The following ANKRD27 variants were observed in gnomAD, a reference collection of about 807,000 sequenced individuals.
The protein encoded by ANKRD27 is ankyrin repeat domain 27, also known as ankyrin repeat domain-containing protein 27.
Under a neutral mutation model 129.7 loss-of-function variants are expected in ANKRD27, and 112 were observed. The observed-to-expected ratio is 0.86, with a 90% CI of 0.74 to 1.01. The LOEUF (loss-of-function observed/expected upper bound fraction) is 1.01, where lower values mean the gene tolerates loss of function less well. ANKRD27 is among the 50% of genes least tolerant of loss of function. The pLI is 0.00. For missense variants in ANKRD27, 1,258 were observed against 1,300.5 expected, an observed-to-expected ratio of 0.97 and a Z score of 0.50; for synonymous variants, 516 against 511.2, an observed-to-expected ratio of 1.01 and a Z score of -0.13.
intron 3 of ANKRD27, among the ~76,000 whole-genome samples, chr19:32,648,202 G>A (rs1401605247): frequency 6.6e-6 from 1 of 151,642 alleles, no homozygotes. Flanking sequence ...GGAGGCGCAG[G>A]TTGCAGTGAG....
At chr19:32,630,587 C>T (rs1318094900) in intron 13 of ANKRD27, among the ~76,000 whole-genome samples, 1 of 152,254 alleles carries the variant, frequency 6.6e-6, no homozygotes, top group Non-Finnish European at 1.5e-5. Flanking sequence ...AGAGGCCTGG[C>T]CTGCGCCCAC....
At position 32,639,406 on chromosome 19, in the gene ANKRD27, C is replaced by T. The variant is rs555830097; in HGVS notation, c.1066G>A (p.Glu356Lys). The T allele has an allele frequency of 5.0e-6, 8 of 1,614,188 alleles. No homozygotes were observed. Among genetic ancestry groups the T allele is most frequent in the South Asian group, 4.4e-5 (4 of 91,084 alleles). The change falls in exon 12 of 29, where the codon GAA (glutamate) becomes AAA (lysine). Residue 356 changes from glutamate (E) to lysine (K), a missense_variant. Transcript: ENST00000306065. ...DELGYCLTSFEAAIEYIRQGS... is the reference protein window; with the variant it reads ...DELGYCLTSFKAAIEYIRQGS... ...TGCCGAATATATTCAATGGCAGCTT[C>T]GAATGAGGTCAGGCAGTATCCCAGT...
chr19:32,632,947 G>C (rs1195742406), intron 12 of ANKRD27, among the ~76,000 whole-genome samples: 4 of 152,200 alleles, frequency 2.6e-5, no homozygotes, highest in Admixed American at 2.0e-4. Flanking sequence ...GGTTAACTTA[G>C]CAAATGAACA....
intron 3 of ANKRD27, 74 bp downstream of exon 3, chr19:32,649,608 C>A (rs547796413): frequency 3.0e-6 from 3 of 1,011,972 alleles, no homozygotes; most frequent in East Asian, 4.8e-5. Context: ...AGGCTGAGAA[C>A]GGGACTCTCT....
rs375052261 is a variant in ANKRD27 at position 32,619,426 on chromosome 19, A to G, written c.1888-47T>C. ...GAGAGAGAGGACAGGACACAAGGAC[A>G]CGTGAGGACCAGAGAAGGCGCCCTT... On this transcript the variant is annotated intron_variant, in intron 19 of 28. Transcript: ENST00000306065. 1.3e-4 allele frequency: 211 copies of G among 1,613,826 alleles called. 1 individual carries two copies. Among genetic ancestry groups the G allele is most frequent in the Non-Finnish European group, 1.7e-4 (197 of 1,180,038 alleles).
chr19:32,654,294 G>A (rs1239530022), intron 2 of ANKRD27, among the ~76,000 whole-genome samples: 2 of 152,098 alleles, frequency 1.3e-5, no homozygotes, highest in African/African-American at 4.8e-5. Context: ...TTGGTACAAG[G>A]TTATGACCAG....
chr19:32,646,613 A>C lies in ANKRD27; in HGVS notation c.216T>G (p.Asp72Glu). 1 of 1,611,576 alleles carries C rather than the reference A, an allele frequency of 6.2e-7. No individual in the cohort carries two copies. The highest frequency in any genetic ancestry group is 8.5e-7 in the Non-Finnish European group (1 of 1,179,142). Residue 72 changes from aspartate (D) to glutamate (E), a missense_variant and splice_region_variant, in exon 4 of 29, where the codon GAT becomes GAG. Transcript: ENST00000306065. ...EEHFQTLNGK[D>E]VFIQGNRIKL... The stretch of plus-strand genomic sequence containing the variant: ...TAATCCTGTTCCCTTGAATAAAGAC[A>C]TCCTGGAAACAAGAAAGCCATCACT...
intron 12 of ANKRD27, chr19:32,635,973 C>G (rs1967080412): frequency 6.6e-6 from 1 of 152,436 alleles, no homozygotes. Flanking sequence ...ACTGCTACAC[C>G]TGTGACCCAC....
At chr19:32,668,743 C>T (rs1016762544) in intron 1 of ANKRD27, among the ~76,000 whole-genome samples, 1 of 151,822 alleles carries the variant, frequency 6.6e-6, no homozygotes, top group Admixed American at 6.6e-5. Flanking sequence ...AGCCACCGTG[C>T]CCAGCTAATT....
At chr19:32,657,472 A>G (rs2145316936) in intron 2 of ANKRD27, among the ~76,000 whole-genome samples, 1 of 151,554 alleles carries the variant, frequency 6.6e-6, no homozygotes, top group Non-Finnish European at 1.5e-5. Context: ...AAAAAAAAAA[A>G]AAAAATTAGC....
chr19:32,658,800 C>T lies in ANKRD27; in HGVS notation c.102+114G>A. The T allele has an allele frequency of 3.3e-6, 3 of 919,998 alleles. No homozygotes were observed. The South Asian group carries it at 4.2e-5, about 13-fold the overall frequency. The allele number at this position is 919,998 out of a possible 1,614,324, so 57.0% of individuals were successfully genotyped here. A position where few individuals can be genotyped will look rare whatever the true frequency, so the allele number is the denominator to read the frequency against. On this transcript the variant is annotated intron_variant, in intron 2 of 28. Transcript: ENST00000306065. The stretch of plus-strand genomic sequence containing the variant: ...GCTCACTCACAGACCAAGCACACTG[C>T]TGGGAGCTTGTTAAGCTGAGTTTAT...
intron 13 of ANKRD27, among the ~76,000 whole-genome samples, chr19:32,629,071 C>T (rs1002821646): frequency 1.3e-5 from 2 of 152,158 alleles, no homozygotes; most frequent in Admixed American, 6.5e-5. Flanking sequence ...GAGGCATCTG[C>T]CACCACACCT....
intron 11 of ANKRD27, among the ~76,000 whole-genome samples, chr19:32,639,723 G>C (rs1461832384): frequency 1.3e-5 from 2 of 152,224 alleles, no homozygotes; most frequent in African/African-American, 4.8e-5. Context: ...AAACTGAGCT[G>C]TGGGTTCCAG....
At chr19:32,674,114 A>G (rs1361242405) in intron 1 of ANKRD27, among the ~76,000 whole-genome samples, 1 of 152,126 alleles carries the variant, frequency 6.6e-6, no homozygotes, top group African/African-American at 2.4e-5. Context: ...CTATGATGGC[A>G]TCACTGCACT....
At chr19:32,646,668 C>G in intron 3 of ANKRD27, 53 bp from the exon 4 acceptor site, 1 of 1,583,522 alleles carries the variant, frequency 6.3e-7, no homozygotes, top group Non-Finnish European at 8.6e-7. Flanking sequence ...CCACATCCCA[C>G]TCTCAGCCTG....
Position 32,649,689 on chromosome 19 carries a change from T to C in ANKRD27, c.206A>G (p.Asn69Ser). Residue 69 changes from asparagine to serine, a missense_variant, in exon 3 of 29, where the codon AAT becomes AGT. Physicochemically the swap from Asn to Ser is conservative, Grantham distance 46. Transcript: ENST00000306065. The stretch of plus-strand genomic sequence containing the variant: ...CCACCAAGAAATGAATACCTTTCCA[T>C]TTAAGGTCTGAAAATGCTCTTCCAC... ...IPVEEHFQTLNGKDVFIQGNR... is the reference protein window; with the variant it reads ...IPVEEHFQTLSGKDVFIQGNR... 6.2e-7 allele frequency: 1 copy of C among 1,607,814 alleles called. No individual in the cohort carries two copies. The highest frequency in any genetic ancestry group is 8.5e-7 in the Non-Finnish European group (1 of 1,174,446).
At chr19:32,608,440 G>T in intron 22 of ANKRD27, 1 of 336,250 alleles carries the variant, frequency 3.0e-6, no homozygotes, top group Non-Finnish European at 6.0e-6. Context: ...ACCGCTATAA[G>T]AAACAGTGAT....
chr19:32,645,185 G>A (rs534917563), intron 4 of ANKRD27, among the ~76,000 whole-genome samples: 10 of 152,178 alleles, frequency 6.6e-5, no homozygotes, highest in East Asian at 1.9e-4. Context: ...AGGCTGAGGC[G>A]GGCAGATCAT....
chr19:32,623,733 T>C (rs1415509835), intron 17 of ANKRD27, among the ~76,000 whole-genome samples: 1 of 151,980 alleles, frequency 6.6e-6, no homozygotes, highest in African/African-American at 2.4e-5. Flanking sequence ...ATTTTTTTAG[T>C]AGAGACAGGG....
Sources: allele counts gnomAD v4.1 joint callset (sites outside exome capture counted in the v4.1 genomes callset), GRCh38; gene constraint gnomAD v4.1.1; transcripts MANE v1.5; gene names NCBI Gene and HGNC (gene_info 2026-07-23, HGNC 2026-07-21).